EPHA6: variants seen among roughly 807,000 people sequenced by gnomAD.
The protein encoded by EPHA6 is EPH receptor A6, also known as ephrin type-A receptor 6.
A neutral mutation model predicts 112.0 loss-of-function variants in EPHA6; 50 were observed. The observed-to-expected ratio is 0.45, with a 90% CI of 0.36 to 0.56. The LOEUF (loss-of-function observed/expected upper bound fraction) is 0.56, where lower values mean the gene tolerates loss of function less well. Among genes scored for constraint, EPHA6 ranks in the 20% least tolerant of loss-of-function variants. The pLI is 0.00. For synonymous variants in EPHA6, 529 were observed against 490.7 expected (o/e 1.08, Z -1.03); for missense variants, 1,280 against 1,417.4 (o/e 0.90, Z 1.56).
At chr3:97,628,397 A>T (rs966932993) in intron 13 of EPHA6, among the ~76,000 whole-genome samples, 1 of 152,028 alleles carries the variant, frequency 6.6e-6, no homozygotes, top group African/African-American at 2.4e-5. Flanking sequence ...GCTAATATAC[A>T]TAAAACTCCT....
At chr3:97,447,695 T>C (rs752345729) in intron 6 of EPHA6, 9 of 900,126 alleles carry the variant, frequency 1.0e-5, no homozygotes, top group Non-Finnish European at 1.1e-5. Context: ...AGAGAGACCA[T>C]GTAACAAACC....
intron 10 of EPHA6, among the ~76,000 whole-genome samples, chr3:97,524,809 T>G (rs1430766225): frequency 6.6e-6 from 1 of 152,146 alleles, no homozygotes; most frequent in East Asian, 1.9e-4. Context: ...CCCTCCTGGC[T>G]TGCAAGGTTT....
intron 6 of EPHA6, among the ~76,000 whole-genome samples, chr3:97,411,012 T>C (rs1465262756): frequency 6.6e-6 from 1 of 151,984 alleles, no homozygotes. Context: ...CAAGTCAATT[T>C]TGGATACAAT....
chr3:97,502,194 A>C (rs2092138708), intron 10 of EPHA6, among the ~76,000 whole-genome samples: 1 of 142,080 alleles, frequency 7.0e-6, no homozygotes, highest in Non-Finnish European at 1.5e-5. Context: ...TTTTTGACAG[A>C]ATCTTGCTCT....
chr3:97,404,380 G>C (rs1052730036), intron 5 of EPHA6, among the ~76,000 whole-genome samples: 1 of 151,792 alleles, frequency 6.6e-6, no homozygotes, highest in Non-Finnish European at 1.5e-5. Context: ...GTTTTAATTT[G>C]GATTTTATTT....
intron 14 of EPHA6, among the ~76,000 whole-genome samples, chr3:97,709,256 C>G (rs184854554): frequency 2.0e-4 from 30 of 152,124 alleles, no homozygotes; most frequent in Non-Finnish European, 3.5e-4. Context: ...TGCCAAAGGC[C>G]TTGGGAGCCC....
chr3:97,168,580 T>TCC (rs1320738717), intron 3 of EPHA6, among the ~76,000 whole-genome samples: 1 of 141,986 alleles, frequency 7.0e-6, no homozygotes, highest in African/African-American at 3.0e-5. Flanking sequence ...TCTCTGTCTC[T>TCC]CTCTCTCTCT....
chr3:97,219,310 C>G (rs1261096345), intron 3 of EPHA6, among the ~76,000 whole-genome samples: 2 of 152,148 alleles, frequency 1.3e-5, no homozygotes, highest in Non-Finnish European at 2.9e-5. Context: ...CTCTTCATTG[C>G]TCTAGTAGAG....
At position 96,987,358 on chromosome 3, in the gene EPHA6, A is replaced by G. The variant is rs1040503797; in HGVS notation, c.479A>G (p.His160Arg). The G allele has an allele frequency of 2.5e-6, 4 of 1,604,454 alleles. No individual in the cohort carries two copies. The highest frequency in any genetic ancestry group is 3.4e-5 in the Admixed American group (2 of 59,656). Residue 160 changes from histidine (H) to arginine (R), a missense_variant, in exon 3 of 18, where the codon CAT becomes CGT. Coordinates refer to ENST00000389672, the MANE Select transcript of EPHA6 (RefSeq NM_001080448.3). The stretch of plus-strand genomic sequence containing the variant: ...GATGCCATCACTGAAATGGATGAAC[A>G]TAATAGGCCCATTCACACATACCAG... Reference protein sequence around the residue: ...GWDAITEMDEHNRPIHTYQVC... With the variant: ...GWDAITEMDERNRPIHTYQVC...
At chr3:96,864,881 T>C (rs1482053817) in intron 1 of EPHA6, among the ~76,000 whole-genome samples, 1 of 152,118 alleles carries the variant, frequency 6.6e-6, no homozygotes, top group Non-Finnish European at 1.5e-5. Context: ...TTTATATTAA[T>C]GAATTAAGAT....
intron 6 of EPHA6, among the ~76,000 whole-genome samples, chr3:97,434,148 T>C (rs768872879): frequency 2.0e-5 from 3 of 152,140 alleles, no homozygotes; most frequent in Non-Finnish European, 4.4e-5. Context: ...AATCACTTAG[T>C]GACATTTAGC....
rs182041806 is a variant in EPHA6 at position 97,491,450 on chromosome 3, G to C, written c.2200+7391G>C. 4.8e-3 allele frequency among the ~76,000 whole-genome samples: 732 copies of C among 152,252 alleles called. 4 individuals carry two copies. Among genetic ancestry groups the C allele is most frequent in the Non-Finnish European group, 7.5e-3 (511 of 68,030 alleles). On this transcript the variant is annotated intron_variant, in intron 10 of 17. Transcript: ENST00000389672. ...GGGAGCAGGCCAGTGGCATGGGCCA[G>C]GTACAGTCGGGGGGTCAGATGATCA...
intron 6 of EPHA6, among the ~76,000 whole-genome samples, chr3:97,412,657 T>A (rs1025713235): frequency 6.6e-6 from 1 of 152,020 alleles, no homozygotes; most frequent in African/African-American, 2.4e-5. Context: ...AAATTAAAAA[T>A]GACAGAGAAG....
intron 5 of EPHA6, among the ~76,000 whole-genome samples, chr3:97,324,421 CT>C (rs1553746291): frequency 7.1e-6 from 1 of 139,996 alleles, no homozygotes; most frequent in Admixed American, 7.3e-5. Context: ...TTCTTTCTTT[CT>C]TTCTTTCTTT....
chr3:96,913,759 C>T (rs2039348310), intron 2 of EPHA6, among the ~76,000 whole-genome samples: 1 of 151,962 alleles, frequency 6.6e-6, no homozygotes, highest in South Asian at 2.1e-4. Context: ...ATCTAAGCAC[C>T]ATGAATAAGA....
chr3:97,298,017 C>G lies in EPHA6; in HGVS notation c.1606+53730C>G, dbSNP rs144433068. Among the ~76,000 whole-genome samples, 29 of 152,266 alleles carry G rather than the reference C, an allele frequency of 1.9e-4. No homozygotes were observed. In the East Asian group the frequency reaches 5.6e-3, roughly 29 times the overall value. Reference sequence around the variant, plus strand: ...GACCTCATGGTCTGCCCACCTCATCCTCCCAAAGTGCTGGGATTACAGGCA... The same window carrying G: ...GACCTCATGGTCTGCCCACCTCATCGTCCCAAAGTGCTGGGATTACAGGCA... On this transcript the variant is annotated intron_variant, in intron 5 of 17. Coordinates refer to ENST00000389672, the MANE Select transcript of EPHA6 (RefSeq NM_001080448.3).
rs9813795 is a variant in EPHA6 at position 97,694,500 on chromosome 3, G to T, written c.2785-25761G>T. The stretch of plus-strand genomic sequence containing the variant: ...GATCCACCCGCCTTGGCCTCCCAGA[G>T]TGCTGGGATTACAGGCGTGAGGCAC... On this transcript the variant is annotated intron_variant, in intron 14 of 17. Transcript: ENST00000389672. 3.6e-3 allele frequency among the ~76,000 whole-genome samples: 545 copies of T among 152,328 alleles called. 3 individuals carry two copies. Among genetic ancestry groups the T allele is most frequent in the African/African-American group, 0.012 (498 of 41,576 alleles).
At chr3:97,544,473 G>A (rs1246272310) in intron 11 of EPHA6, among the ~76,000 whole-genome samples, 4 of 152,314 alleles carry the variant, frequency 2.6e-5, no homozygotes, top group African/African-American at 9.6e-5. Flanking sequence ...GCTTTCTGAT[G>A]TGCTGCTGGA....
At chr3:96,890,593 A>G (rs2037896004) in intron 2 of EPHA6, among the ~76,000 whole-genome samples, 1 of 152,196 alleles carries the variant, frequency 6.6e-6, no homozygotes, top group Non-Finnish European at 1.5e-5. Flanking sequence ...AATTGTTATC[A>G]TGAATATATT....
Sources: allele counts gnomAD v4.1 joint callset (sites outside exome capture counted in the v4.1 genomes callset), GRCh38; gene constraint gnomAD v4.1.1; transcripts MANE v1.5; gene names NCBI Gene and HGNC (gene_info 2026-07-23, HGNC 2026-07-21).